Variants in TULP3 observed in about 807,000 individuals in gnomAD.
TULP3 encodes the protein TUB like protein 3.
TULP3 carries 38 observed loss-of-function variants against 50.7 expected under a neutral mutation model. The observed-to-expected ratio is 0.75, with a 90% CI of 0.58 to 0.98. The LOEUF is 0.98. TULP3 is among the 50% of genes least tolerant of loss of function. The probability of loss-of-function intolerance (pLI) is 0.00; values close to 1 mark genes in which losing one functional copy is unlikely to be tolerated. For missense variants in TULP3, 550 were observed against 568.0 expected (o/e 0.97, Z 0.32); for synonymous variants, 183 against 196.6 (o/e 0.93, Z 0.58).
chr12:2,898,972 C>T (rs192933783), intron 1 of TULP3, among the ~76,000 whole-genome samples: 1 of 152,102 alleles, frequency 6.6e-6, no homozygotes, highest in Non-Finnish European at 1.5e-5. Flanking sequence ...AGTCACTGCA[C>T]CTGGTTGGAA....
In TULP3 at chr12:2,938,145, AC is replaced by A. The variant is rs770573874; in HGVS notation, c.1056del (p.Asn352LysfsTer37). The A allele has an allele frequency of 5.0e-5, 80 of 1,614,088 alleles. No homozygotes were observed. The highest frequency in any genetic ancestry group is 6.8e-5 in the Non-Finnish European group (80 of 1,180,042). ...NHDSLLSRWQ[N>X]RTMENLVELH... ...GACAGTTTGCTCTCAAGGTGGCAGAACAGAACTATGGAAAATCTGGTTGAGC... is the reference window on the plus strand; with the variant it reads ...GACAGTTTGCTCTCAAGGTGGCAGAAAGAACTATGGAAAATCTGGTTGAGC... On this transcript the variant is annotated frameshift_variant, in exon 10 of 11. Transcript: ENST00000448120. LOFTEE classifies it high-confidence loss of function.
At chr12:2,915,545 G>GT (rs11453949) in intron 2 of TULP3, among the ~76,000 whole-genome samples, 143,459 of 144,912 alleles carry the variant, frequency 0.99, 71,009 homozygotes, top group East Asian at 1. Context: ...TTTTTATTTT[G>GT]TTTTTTTTTT....
intron 2 of TULP3, among the ~76,000 whole-genome samples, chr12:2,910,654 A>G (rs1207219985): frequency 1.3e-5 from 2 of 152,236 alleles, no homozygotes; most frequent in African/African-American, 2.4e-5. Flanking sequence ...GGTGACTAAA[A>G]GTCTCTAAAG....
chr12:2,938,916 A>G (rs940841312), intron 10 of TULP3, among the ~76,000 whole-genome samples: 8 of 152,084 alleles, frequency 5.3e-5, no homozygotes. Context: ...TCTATTCTAC[A>G]GAAACCTGGT....
At chr12:2,891,439 A>G (rs377584555) in intron 1 of TULP3, among the ~76,000 whole-genome samples, 1 of 152,248 alleles carries the variant, frequency 6.6e-6, no homozygotes. Context: ...GGTAAAGCTG[A>G]ATTCTGGAGC....
intron 1 of TULP3, among the ~76,000 whole-genome samples, chr12:2,901,181 C>T (rs1257099886): frequency 2.0e-5 from 3 of 151,856 alleles, no homozygotes; most frequent in African/African-American, 4.8e-5. Context: ...GGCACAATCA[C>T]GGCTTACTGC....
intron 2 of TULP3, among the ~76,000 whole-genome samples, chr12:2,917,578 A>G (rs574956321): frequency 1.3e-5 from 2 of 152,192 alleles, no homozygotes; most frequent in East Asian, 1.9e-4. Flanking sequence ...CTCCTTTTCT[A>G]TAGAAAATAT....
At chr12:2,925,631 T>C (rs2098194279) in intron 4 of TULP3, among the ~76,000 whole-genome samples, 1 of 152,216 alleles carries the variant, frequency 6.6e-6, no homozygotes. Flanking sequence ...TTCCTGTCTT[T>C]AACATGAAGG....
chr12:2,931,562 T>G (rs1363224018), intron 6 of TULP3, among the ~76,000 whole-genome samples: 1 of 152,238 alleles, frequency 6.6e-6, no homozygotes, highest in African/African-American at 2.4e-5. Flanking sequence ...GGTTTTTCTT[T>G]TTATTACGGA....
intron 1 of TULP3, among the ~76,000 whole-genome samples, chr12:2,900,893 T>C (rs892936185): frequency 8.7e-6 from 1 of 115,184 alleles, no homozygotes; most frequent in African/African-American, 3.5e-5. Flanking sequence ...TTTTTTTTTT[T>C]TTGTAGAGAC....
At chr12:2,911,118 T>C (rs1000554806) in intron 2 of TULP3, among the ~76,000 whole-genome samples, 14 of 152,072 alleles carry the variant, frequency 9.2e-5, no homozygotes, top group Non-Finnish European at 1.3e-4. Flanking sequence ...GGCCCTAATA[T>C]TTTGTAATTG....
intron 2 of TULP3, among the ~76,000 whole-genome samples, chr12:2,915,073 C>G (rs2098187860): frequency 6.6e-6 from 1 of 152,114 alleles, no homozygotes; most frequent in East Asian, 1.9e-4. Context: ...ACTGCAACCT[C>G]TGCCTCTCGG....
chr12:2,893,332 T>C (rs547440063), intron 1 of TULP3, among the ~76,000 whole-genome samples: 1 of 150,610 alleles, frequency 6.6e-6, no homozygotes, highest in African/African-American at 2.4e-5. Context: ...AATGTGTTTT[T>C]TTTTTTTTTT....
At position 2,930,301 on chromosome 12, in the gene TULP3, G is replaced by A; in HGVS notation, c.448G>A (p.Ala150Thr). The change falls in exon 5 of 11, where the codon GCA becomes ACA. Residue 150 changes from alanine to threonine, a missense_variant. Ala to Thr is a moderately conservative substitution (Grantham distance 58). Transcript: ENST00000448120. ...GGAGACTGATGGAATATCCCAGTCA[G>A]CATGTTTAGAAAGACCCAATTCTGC... The part of the protein sequence containing the change: ...DEETDGISQS[A>T]CLERPNSASS... The A allele has an allele frequency of 1.2e-6, 2 of 1,612,828 alleles. No homozygotes were observed. The highest frequency in any genetic ancestry group is 1.7e-6 in the Non-Finnish European group (2 of 1,179,388).
At position 2,939,056 on chromosome 12, in the gene TULP3, A is replaced by G. The variant is rs1355827629; in HGVS notation, c.1196-255A>G. Among the ~76,000 whole-genome samples, 1 of 152,044 alleles carries G rather than the reference A, an allele frequency of 6.6e-6. No individual in the cohort carries two copies. The highest frequency in any genetic ancestry group is 2.0e-4 in the East Asian group (1 of 5,116). ...AGCTTGAGCAACATAGTGAGACCCT[A>G]TCTTCACAAAAAGTAAAATATTAGC... is the stretch of plus-strand genomic sequence containing the variant. On this transcript the variant is annotated intron_variant, in intron 10 of 10. Transcript: ENST00000448120. This position sits in a 1 kb window ranked among gnomAD's most constrained non-coding sequence, Gnocchi z 4.0.
intron 1 of TULP3, among the ~76,000 whole-genome samples, chr12:2,905,821 T>G (rs1011106034): frequency 4.6e-5 from 7 of 151,732 alleles, no homozygotes; most frequent in African/African-American, 7.3e-5. Flanking sequence ...ACTTAGCATT[T>G]TTGAGGAAGT....
At chr12:2,933,034 CTGGGTT>C (rs1267619886) in intron 6 of TULP3, among the ~76,000 whole-genome samples, 2 of 152,046 alleles carry the variant, frequency 1.3e-5, no homozygotes, top group African/African-American at 4.8e-5. Context: ...GCTCCGCCTC[CTGGGTT>C]CATGCCATTC....
In TULP3 at chr12:2,939,374, A is replaced by G; in HGVS notation, c.1259A>G (p.Tyr420Cys). Residue 420 changes from tyrosine to cysteine, a missense_variant, in exon 11 of 11, where the codon TAC (tyrosine) becomes TGC (cysteine). Coordinates refer to ENST00000448120, the MANE Select transcript of TULP3 (RefSeq NM_003324.5). This position sits in a 1 kb window ranked among gnomAD's most constrained non-coding sequence, Gnocchi z 4.0. Reference protein sequence around the residue: ...ADDVFTLDYNYPLCAVQAFGI... With the variant: ...ADDVFTLDYNCPLCAVQAFGI... ...GACGTGTTCACACTGGATTACAACT[A>G]CCCACTTTGTGCAGTACAGGCCTTT... is the stretch of plus-strand genomic sequence containing the variant. The G allele has an allele frequency of 6.2e-7, 1 of 1,614,188 alleles. No homozygotes were observed. The highest frequency in any genetic ancestry group is 8.5e-7 in the Non-Finnish European group (1 of 1,180,044).
chr12:2,916,237 A>G (rs2098188616), intron 2 of TULP3, among the ~76,000 whole-genome samples: 1 of 150,688 alleles, frequency 6.6e-6, no homozygotes, highest in African/African-American at 2.4e-5. Flanking sequence ...CCTGACCTCA[A>G]GAGATCGGCC....
Sources: allele counts gnomAD v4.1 joint callset (sites outside exome capture counted in the v4.1 genomes callset), GRCh38; gene constraint gnomAD v4.1.1; non-coding constraint Gnocchi (gnomAD v3.1); transcripts MANE v1.5; gene names NCBI Gene and HGNC (gene_info 2026-07-23, HGNC 2026-07-21).